Variants in XRRA1 observed in about 807,000 individuals in gnomAD.
XRRA1 encodes X-ray radiation resistance-associated protein 1.
In XRRA1, 69 loss-of-function variants were observed where a neutral mutation model predicts 80.2. The observed-to-expected ratio is 0.86, with a 90% CI of 0.71 to 1.05. The LOEUF is 1.05. Ranked by LOEUF, XRRA1 falls within the 50% of genes least tolerant of loss-of-function variation. The pLI is 0.00. For synonymous variants in XRRA1, 348 were observed against 389.9 expected, an observed-to-expected ratio of 0.89 and a Z score of 1.27; for missense variants, 967 against 976.4, an observed-to-expected ratio of 0.99 and a Z score of 0.13.
rs755083355 is a variant in XRRA1 at position 74,859,247 on chromosome 11, T to C, written c.1081A>G (p.Ile361Val). The C allele has an allele frequency of 6.2e-7, 1 of 1,610,216 alleles. No homozygotes were observed. Reference sequence around the variant, plus strand: ...GCCTTCAGTGACTTCACAGGAAGGATCTCGAATATGGGAGGAAGTGAACAT... The same window carrying C: ...GCCTTCAGTGACTTCACAGGAAGGACCTCGAATATGGGAGGAAGTGAACAT... ...KICSLPPIFE[I>V]LPVKSLKARN... Residue 361 changes from isoleucine to valine, a missense_variant, in exon 12 of 19, where the codon ATC (isoleucine) becomes GTC (valine). Ile to Val is a conservative substitution (Grantham distance 29, BLOSUM62 3). Transcript: ENST00000684022.
chr11:74,879,311 C>T lies in XRRA1; in HGVS notation c.1004-16290G>A, dbSNP rs1263808810. On this transcript the variant is annotated intron_variant, in intron 10 of 18. Transcript: ENST00000684022. The stretch of plus-strand genomic sequence containing the variant: ...AATGCTTGTGATTTTTGTACATTGA[C>T]TTTGTATCCTGAGACTTTGCTGAAG... 1.4e-4 allele frequency among the ~76,000 whole-genome samples: 22 copies of T among 151,862 alleles called. No homozygotes were observed. In the South Asian group the frequency reaches 1.9e-3, roughly 13 times the overall value.
intron 2 of XRRA1, among the ~76,000 whole-genome samples, chr11:74,944,160 C>T (rs1057266906): frequency 6.6e-6 from 1 of 152,152 alleles, no homozygotes; most frequent in Non-Finnish European, 1.5e-5. Context: ...GTGGCCCGAC[C>T]TCACAAGATT....
chr11:74,852,289 C>CT (rs2040063703), intron 12 of XRRA1, among the ~76,000 whole-genome samples: 1 of 152,204 alleles, frequency 6.6e-6, no homozygotes, highest in African/African-American at 2.4e-5. Flanking sequence ...CTTGCCCCTC[C>CT]TGTCTGAAAT....
At chr11:74,887,123 G>C (rs1302419171) in intron 10 of XRRA1, among the ~76,000 whole-genome samples, 1 of 152,172 alleles carries the variant, frequency 6.6e-6, no homozygotes, top group Non-Finnish European at 1.5e-5. Flanking sequence ...CTGGAAGATA[G>C]ATAGCCTAGG....
chr11:74,873,484 T>C (rs1042051644), intron 10 of XRRA1, among the ~76,000 whole-genome samples: 5 of 152,224 alleles, frequency 3.3e-5, no homozygotes, highest in Admixed American at 1.3e-4. Flanking sequence ...AATACCTGTT[T>C]GCCTTCGAAG....
chr11:74,915,801 T>C (rs1035604363), intron 8 of XRRA1, among the ~76,000 whole-genome samples: 3 of 152,222 alleles, frequency 2.0e-5, no homozygotes, highest in African/African-American at 4.8e-5. Context: ...TAGCATCCTT[T>C]CATTTCAACC....
intron 11 of XRRA1, among the ~76,000 whole-genome samples, chr11:74,860,461 C>T (rs538253532): frequency 6.6e-6 from 1 of 152,312 alleles, no homozygotes; most frequent in African/African-American, 2.4e-5. Flanking sequence ...GTATCCTGAC[C>T]CAAGGGCATA....
At chr11:74,844,766 T>TC (rs2037574708) in intron 16 of XRRA1, among the ~76,000 whole-genome samples, 1 of 152,332 alleles carries the variant, frequency 6.6e-6, no homozygotes, top group South Asian at 2.1e-4. Flanking sequence ...TTCTGGGTGT[T>TC]CATTCATCAC....
chr11:74,874,478 T>G (rs1485273198), intron 10 of XRRA1, among the ~76,000 whole-genome samples: 3 of 152,096 alleles, frequency 2.0e-5, no homozygotes, highest in Non-Finnish European at 4.4e-5. Context: ...GCTCCCTAAG[T>G]AAGGAACTTG....
chr11:74,930,017 T>G (rs1755034508), intron 6 of XRRA1, among the ~76,000 whole-genome samples: 1 of 152,138 alleles, frequency 6.6e-6, no homozygotes, highest in South Asian at 2.1e-4. Context: ...TACACCCATC[T>G]CATATGAGCC....
At chr11:74,947,726 ATATT>A (rs1481707734) in intron 1 of XRRA1, among the ~76,000 whole-genome samples, 2 of 152,068 alleles carry the variant, frequency 1.3e-5, no homozygotes, top group Non-Finnish European at 2.9e-5. Flanking sequence ...CTATTTAGTG[ATATT>A]TATTTTCTTT....
Position 74,943,208 on chromosome 11 carries a change from C to T in XRRA1, c.-5+1810G>A, listed in dbSNP as rs183615748. On this transcript the variant is annotated intron_variant, in intron 2 of 18. Transcript: ENST00000684022. Reference sequence around the variant, plus strand: ...AATTCTTTAGGGGTGTGTGTGTGCCCATGCATGCACACACATGCAAAAAAG... The same window carrying T: ...AATTCTTTAGGGGTGTGTGTGTGCCTATGCATGCACACACATGCAAAAAAG... Among the ~76,000 whole-genome samples, 1,358 of 151,266 alleles carry T rather than the reference C, an allele frequency of 9.0e-3. 21 individuals carry two copies. Among genetic ancestry groups the T allele is most frequent in the Non-Finnish European group, 0.01 (710 of 67,768 alleles).
At chr11:74,864,126 A>G (rs2042889013) in intron 10 of XRRA1, 1 of 152,266 alleles carries the variant, frequency 6.6e-6, no homozygotes, top group African/African-American at 2.4e-5. Flanking sequence ...TTTATTTAAC[A>G]AAAGTTATAA....
chr11:74,898,496 T>C (rs1345172137), intron 10 of XRRA1, among the ~76,000 whole-genome samples: 1 of 142,788 alleles, frequency 7.0e-6, no homozygotes, highest in African/African-American at 2.5e-5. Flanking sequence ...ACCCAGTAAT[T>C]TGCTGCCTAC....
chr11:74,908,177 A>G (rs117730481), intron 8 of XRRA1, among the ~76,000 whole-genome samples: 1 of 152,214 alleles, frequency 6.6e-6, no homozygotes, highest in Non-Finnish European at 1.5e-5. Flanking sequence ...TTTAGCACCT[A>G]ATGCATTTCT....
intron 12 of XRRA1, among the ~76,000 whole-genome samples, chr11:74,852,316 C>G (rs1157433696): frequency 2.0e-5 from 3 of 152,118 alleles, no homozygotes; most frequent in Non-Finnish European, 4.4e-5. Context: ...ATCACTGTTG[C>G]GTGTTTAAGA....
At chr11:74,948,678 T>TGA (rs1242894041) in intron 1 of XRRA1, among the ~76,000 whole-genome samples, 2 of 152,126 alleles carry the variant, frequency 1.3e-5, no homozygotes, top group African/African-American at 4.8e-5. Context: ...TGGGACTCAG[T>TGA]GAGAGAGAGG....
chr11:74,934,349 CT>C (rs1201006058), intron 4 of XRRA1, among the ~76,000 whole-genome samples: 5 of 152,028 alleles, frequency 3.3e-5, no homozygotes, highest in African/African-American at 1.2e-4. Context: ...AAACCTCATT[CT>C]TTTTTTGTTA....
intron 10 of XRRA1, among the ~76,000 whole-genome samples, chr11:74,897,095 T>C (rs1310636226): frequency 6.6e-6 from 1 of 152,092 alleles, no homozygotes; most frequent in East Asian, 1.9e-4. Flanking sequence ...AAAACAGCTA[T>C]TTTGAGGAAA....
Sources: allele counts gnomAD v4.1 joint callset (sites outside exome capture counted in the v4.1 genomes callset), GRCh38; gene constraint gnomAD v4.1.1; transcripts MANE v1.5; gene names NCBI Gene and HGNC (gene_info 2026-07-23, HGNC 2026-07-21).